Variants in VAMP4 observed in about 807,000 individuals in gnomAD.
VAMP4 encodes vesicle associated membrane protein 4, also known as vesicle-associated membrane protein 4.
Under a neutral mutation model 23.5 loss-of-function variants are expected in VAMP4, and 19 were observed. The ratio of observed to expected loss-of-function variants is 0.81; its 90% confidence interval spans 0.56 to 1.19. The LOEUF is 1.19. Among genes scored for constraint, VAMP4 ranks in the 50% most tolerant of loss-of-function variants. VAMP4 has a pLI of 0.00. For synonymous variants in VAMP4, 31 were observed against 51.0 expected (o/e 0.61, Z 1.67); for missense variants, 145 against 168.6 (o/e 0.86, Z 0.78).
At chr1:171,707,233 C>G (rs188578703) in intron 6 of VAMP4, among the ~76,000 whole-genome samples, 9 of 152,158 alleles carry the variant, frequency 5.9e-5, no homozygotes, top group African/African-American at 2.2e-4. Context: ...TCTTTCCCCA[C>G]CTATGGATAA....
intron 2 of VAMP4, among the ~76,000 whole-genome samples, chr1:171,731,263 T>C (rs1655556670): frequency 6.6e-6 from 1 of 151,774 alleles, no homozygotes; most frequent in African/African-American, 2.4e-5. Context: ...CCGGGGCCTG[T>C]TGTGGGGTGG....
At chr1:171,721,513 T>A (rs1235251772) in intron 3 of VAMP4, among the ~76,000 whole-genome samples, 1 of 152,182 alleles carries the variant, frequency 6.6e-6, no homozygotes. Flanking sequence ...TATGACATTT[T>A]AAAATTTTGA....
In VAMP4 at chr1:171,700,333, T is replaced by C. The variant is rs1417295321; in HGVS notation, c.*4173A>G. The C allele has an allele frequency of 6.6e-6, 1 of 152,288 alleles. No individual in the cohort carries two copies. Among genetic ancestry groups the C allele is most frequent in the Non-Finnish European group, 1.5e-5 (1 of 68,002 alleles). The allele number at this position is 152,288 out of a possible 1,614,324, so 9.4% of individuals were successfully genotyped here. ...ATTTACATTTGCTCATCTCCCACTA[T>C]ACATTTCAAAACATCAAAGGCACTT... On this transcript the variant is annotated 3_prime_UTR_variant, in exon 8 of 8. Transcript: ENST00000236192.
intron 4 of VAMP4, among the ~76,000 whole-genome samples, chr1:171,712,999 T>C (rs1654899290): frequency 6.6e-6 from 1 of 152,234 alleles, no homozygotes; most frequent in Non-Finnish European, 1.5e-5. Flanking sequence ...TTTACTTATT[T>C]ACATGCTTAT....
chr1:171,706,470 C>A lies in VAMP4; in HGVS notation c.346-52G>T. On this transcript the variant is annotated intron_variant, in intron 6 of 7. Transcript: ENST00000236192. ...TTAATATTTGACTTGTTAATAAAGT[C>A]AAGACTATTTGTTGTTCTATTTACT... 2.0e-6 allele frequency: 3 copies of A among 1,533,370 alleles called. No homozygotes were observed. The South Asian group carries it at 3.6e-5, about 18-fold the overall frequency. The allele number at this position is 1,533,370 out of a possible 1,614,324, so 95.0% of individuals were successfully genotyped here. A position where few individuals can be genotyped will look rare whatever the true frequency, so the allele number is the denominator to read the frequency against.
At chr1:171,735,499 G>C (rs1298475496) in intron 2 of VAMP4, among the ~76,000 whole-genome samples, 3 of 152,102 alleles carry the variant, frequency 2.0e-5, no homozygotes. Context: ...TGACTTAGGG[G>C]CTCTCTGTCC....
intron 3 of VAMP4, among the ~76,000 whole-genome samples, chr1:171,720,046 T>C (rs1201291077): frequency 6.6e-6 from 1 of 151,784 alleles, no homozygotes; most frequent in Non-Finnish European, 1.5e-5. Flanking sequence ...AACTGTTTAC[T>C]GAAACTTATT....
At chr1:171,721,910 A>C (rs1655205332) in intron 3 of VAMP4, among the ~76,000 whole-genome samples, 1 of 152,222 alleles carries the variant, frequency 6.6e-6, no homozygotes, top group Admixed American at 6.5e-5. Flanking sequence ...ACTACTTTAA[A>C]GTTCATATGG....
chr1:171,708,852 A>G (rs1404989047), intron 6 of VAMP4, among the ~76,000 whole-genome samples: 2 of 149,574 alleles, frequency 1.3e-5, no homozygotes, highest in Non-Finnish European at 3.0e-5. Context: ...AGCCTGGACA[A>G]CAAGAGCAAA....
At chr1:171,708,337 C>CAAA (rs200077955) in intron 6 of VAMP4, among the ~76,000 whole-genome samples, 15,692 of 87,092 alleles carry the variant, frequency 0.18, 1,310 homozygotes, top group Non-Finnish European at 0.24. Context: ...AAGAGTGCCA[C>CAAA]AAAAAAAAAA....
At position 171,702,892 on chromosome 1, in the gene VAMP4, T is replaced by C. The variant is rs984950758; in HGVS notation, c.*1614A>G. On this transcript the variant is annotated 3_prime_UTR_variant, in exon 8 of 8. Coordinates refer to ENST00000236192, the MANE Select transcript of VAMP4 (RefSeq NM_003762.5). ...GTAATTCTATTTAGATCTTCTTAGA[T>C]AACTTGCAGGTGTCTTGAGTGTCTC... 3 of 151,980 alleles carry C rather than the reference T, an allele frequency of 2.0e-5. No individual in the cohort carries two copies. Among genetic ancestry groups the C allele is most frequent in the African/African-American group, 7.2e-5 (3 of 41,454 alleles). 9.4% of individuals were successfully genotyped at this position (151,980 alleles called of 1,614,324 possible).
At chr1:171,723,731 T>C (rs1188417852) in intron 3 of VAMP4, among the ~76,000 whole-genome samples, 1 of 152,164 alleles carries the variant, frequency 6.6e-6, no homozygotes, top group African/African-American at 2.4e-5. Flanking sequence ...CATCCTCAGC[T>C]TACGAAGATG....
intron 2 of VAMP4, among the ~76,000 whole-genome samples, chr1:171,734,875 A>G (rs1655687939): frequency 6.6e-6 from 1 of 152,156 alleles, no homozygotes; most frequent in South Asian, 2.1e-4. Flanking sequence ...TACATTTTAA[A>G]TTTAAAAATG....
At chr1:171,736,916 G>T (rs1655760717) in intron 2 of VAMP4, among the ~76,000 whole-genome samples, 1 of 152,172 alleles carries the variant, frequency 6.6e-6, no homozygotes, top group South Asian at 2.1e-4. Flanking sequence ...GGTGGAGGCT[G>T]CAGTGAGCTG....
chr1:171,736,138 C>T lies in VAMP4; in HGVS notation c.66+2211G>A, dbSNP rs141500126. On this transcript the variant is annotated intron_variant, in intron 2 of 7. Coordinates refer to ENST00000236192, the MANE Select transcript of VAMP4 (RefSeq NM_003762.5). ...CTGACCTCAAGTGATCTGCCCGCCT[C>T]GGCCTCCCAAAGTGCTGGGATTACA... Among the ~76,000 whole-genome samples the T allele has an allele frequency of 4.6e-3, 696 of 152,284 alleles. 5 individuals carry two copies. The highest frequency in any genetic ancestry group is 0.014 in the African/African-American group (588 of 41,556).
intron 3 of VAMP4, among the ~76,000 whole-genome samples, chr1:171,724,730 T>C (rs1655311303): frequency 6.6e-6 from 1 of 152,140 alleles, no homozygotes; most frequent in Admixed American, 6.5e-5. Context: ...CTAAAATTTA[T>C]ATGAAAATGC....
At chr1:171,726,072 G>A (rs923499333) in intron 3 of VAMP4, among the ~76,000 whole-genome samples, 3 of 151,316 alleles carry the variant, frequency 2.0e-5, no homozygotes, top group Admixed American at 6.6e-5. Context: ...TTTTGGGGGG[G>A]GCGAAGTATC....
At chr1:171,707,546 GA>G (rs1213970978) in intron 6 of VAMP4, among the ~76,000 whole-genome samples, 1 of 152,092 alleles carries the variant, frequency 6.6e-6, no homozygotes, top group African/African-American at 2.4e-5. Context: ...AGTCAATCTA[GA>G]AAATGGCAGG....
intron 6 of VAMP4, among the ~76,000 whole-genome samples, chr1:171,708,397 TTAAAA>T (rs139710348): frequency 0.17 from 25,399 of 149,046 alleles, 2,245 homozygotes; most frequent in Middle Eastern, 0.23. Flanking sequence ...AATAAATAAC[TTAAAA>T]TAGAATAGAA....
Sources: allele counts gnomAD v4.1 joint callset (sites outside exome capture counted in the v4.1 genomes callset), GRCh38; gene constraint gnomAD v4.1.1; transcripts MANE v1.5; gene names NCBI Gene and HGNC (gene_info 2026-07-23, HGNC 2026-07-21).